The following DPF3 variants were observed in gnomAD, a reference collection of about 807,000 sequenced individuals.
DPF3 encodes double PHD fingers 3, also known as zinc finger protein DPF3.
A neutral mutation model predicts 56.8 loss-of-function variants in DPF3; 18 were observed. That is an observed-to-expected ratio of 0.32 (90% CI 0.22 to 0.47). DPF3 has a LOEUF of 0.47. Ranked by LOEUF, DPF3 falls within the 20% of genes least tolerant of loss-of-function variation. The pLI, the probability that DPF3 is intolerant of heterozygous loss-of-function variation, is 1.00. For missense variants in DPF3, 403 were observed against 488.8 expected (o/e 0.82, Z 1.65); for synonymous variants, 188 against 180.2 (o/e 1.04, Z -0.35).
At chr14:72,737,452 G>T (rs1399972244) in intron 3 of DPF3, among the ~76,000 whole-genome samples, 1 of 152,170 alleles carries the variant, frequency 6.6e-6, no homozygotes, top group African/African-American at 2.4e-5. Context: ...TGGGAGCACA[G>T]TGAGTAATTA....
chr14:72,671,143 C>T lies in DPF3; in HGVS notation c.871+3097G>A, dbSNP rs764616887. 2.6e-5 allele frequency: 42 copies of T among 1,613,846 alleles called. 1 individual carries two copies. In the South Asian group the frequency reaches 4.4e-4, roughly 17 times the overall value. ...AGAGTCTGTTCCGTGGGTTTAGCAA[C>T]TGCCCTTTTTATCTGCTGTGGGCGA... On this transcript the variant is annotated intron_variant, in intron 8 of 10. Coordinates refer to ENST00000556509, the MANE Select transcript of DPF3 (RefSeq NM_001280542.3).
chr14:72,875,141 A>G (rs1284042935), intron 1 of DPF3, among the ~76,000 whole-genome samples: 1 of 152,224 alleles, frequency 6.6e-6, no homozygotes, highest in Admixed American at 6.5e-5. Flanking sequence ...GGCCTCCATG[A>G]TTCAATTACC....
intron 1 of DPF3, among the ~76,000 whole-genome samples, chr14:72,863,100 A>G (rs61988462): frequency 0.012 from 1,362 of 110,370 alleles, 23 homozygotes; most frequent in African/African-American, 0.027. Context: ...ATATATATAT[A>G]TGTGTGTGTA....
rs1599390535 is a variant in DPF3 at position 72,730,039 on chromosome 14, A to G, written c.429+1768T>C. Among the ~76,000 whole-genome samples, 3 of 152,266 alleles carry G rather than the reference A, an allele frequency of 2.0e-5. No homozygotes were observed. In the South Asian group the frequency reaches 6.2e-4, roughly 32 times the overall value. On this transcript the variant is annotated intron_variant, in intron 4 of 10. Coordinates refer to ENST00000556509, the MANE Select transcript of DPF3 (RefSeq NM_001280542.3). ...GGGGTACACAGGAAATCTCTGTACC[A>G]TCCTCTTCATTTTGCTGTGAACCTA...
At chr14:72,773,282 G>A (rs1006476886) in intron 1 of DPF3, among the ~76,000 whole-genome samples, 2 of 151,894 alleles carry the variant, frequency 1.3e-5, no homozygotes, top group African/African-American at 4.8e-5. Context: ...ATAGGTACCT[G>A]CCACCATGCC....
chr14:72,774,680 A>T (rs1891682494), intron 1 of DPF3, among the ~76,000 whole-genome samples: 1 of 152,208 alleles, frequency 6.6e-6, no homozygotes. Flanking sequence ...ACCTCTGAAC[A>T]TCTTCACATT....
intron 5 of DPF3, among the ~76,000 whole-genome samples, chr14:72,722,395 C>T (rs996767203): frequency 1.3e-5 from 2 of 152,180 alleles, no homozygotes; most frequent in African/African-American, 4.8e-5. Context: ...CCGCGCTGGC[C>T]GATGTGCAGC....
intron 1 of DPF3, among the ~76,000 whole-genome samples, chr14:72,799,260 C>G (rs150652525): frequency 1.1e-4 from 17 of 152,288 alleles, no homozygotes; most frequent in African/African-American, 3.8e-4. Flanking sequence ...CTTCTAGTAA[C>G]AATACCTCCA....
At chr14:72,861,963 T>C (rs1322854200) in intron 1 of DPF3, among the ~76,000 whole-genome samples, 1 of 152,202 alleles carries the variant, frequency 6.6e-6, no homozygotes, top group Non-Finnish European at 1.5e-5. Context: ...TATTATATGC[T>C]TTCACCCATA....
chr14:72,784,841 C>T (rs1371594866), intron 1 of DPF3, among the ~76,000 whole-genome samples: 1 of 152,064 alleles, frequency 6.6e-6, no homozygotes, highest in African/African-American at 2.4e-5. Context: ...CCTGTAGTTC[C>T]AGCTACTTAG....
intron 1 of DPF3, among the ~76,000 whole-genome samples, chr14:72,832,460 C>T (rs576035881): frequency 1.9e-4 from 29 of 152,152 alleles, no homozygotes; most frequent in African/African-American, 4.8e-4. Context: ...CATAGCAGTC[C>T]GCAGCTACAG....
At chr14:72,879,260 A>T (rs1227750258) in intron 1 of DPF3, among the ~76,000 whole-genome samples, 1 of 151,636 alleles carries the variant, frequency 6.6e-6, no homozygotes, top group Middle Eastern at 3.2e-3. Flanking sequence ...GTGTGCACCT[A>T]TTGTCCCAGC....
chr14:72,806,857 T>C (rs1365260391), intron 1 of DPF3: 1 of 152,192 alleles, frequency 6.6e-6, no homozygotes, highest in Non-Finnish European at 1.5e-5. Flanking sequence ...CTTTGTAGAC[T>C]CCATATTACT....
chr14:72,776,154 C>A (rs1332436152), intron 1 of DPF3, among the ~76,000 whole-genome samples: 1 of 152,114 alleles, frequency 6.6e-6, no homozygotes, highest in African/African-American at 2.4e-5. Context: ...CCAGCCATCA[C>A]CTGCATGCAC....
intron 8 of DPF3, among the ~76,000 whole-genome samples, chr14:72,630,059 G>A (rs190988642): frequency 2.0e-5 from 3 of 152,266 alleles, no homozygotes; most frequent in African/African-American, 7.2e-5. Flanking sequence ...ACAGCCTGGG[G>A]CAGCACTATG....
intron 3 of DPF3, among the ~76,000 whole-genome samples, chr14:72,751,678 A>G (rs1464974687): frequency 6.6e-6 from 1 of 152,256 alleles, no homozygotes; most frequent in Non-Finnish European, 1.5e-5. Context: ...AAATGATTTT[A>G]TATCGATGAC....
rs187820168 is a variant in DPF3, at chr14:72,857,370, A to T, written c.32+36687T>A. 2.0e-5 allele frequency among the ~76,000 whole-genome samples: 3 copies of T among 152,298 alleles called. No homozygotes were observed. In the East Asian group the frequency reaches 5.8e-4, roughly 29 times the overall value. ...AAAGCTTGTTAAAAACTTACTTAAA[A>T]AGCAAAAGTTTAAACATGGTTCCAT... is the stretch of plus-strand genomic sequence containing the variant. On this transcript the variant is annotated intron_variant, in intron 1 of 10. Transcript: ENST00000556509.
intron 1 of DPF3, among the ~76,000 whole-genome samples, chr14:72,838,906 T>TATATATATATATATAGATA (rs375598670): frequency 1.1e-5 from 1 of 87,764 alleles, no homozygotes; most frequent in Admixed American, 1.5e-4. Context: ...ATCATATATA[T>TATATATATATATATAGATA]TCTTTTTTTT....
At chr14:72,775,122 G>C (rs908296627) in intron 1 of DPF3, among the ~76,000 whole-genome samples, 1 of 151,956 alleles carries the variant, frequency 6.6e-6, no homozygotes. Flanking sequence ...CAACGTGAGA[G>C]CAGCAATCTG....
Sources: allele counts gnomAD v4.1 joint callset (sites outside exome capture counted in the v4.1 genomes callset), GRCh38; gene constraint gnomAD v4.1.1; transcripts MANE v1.5; gene names NCBI Gene and HGNC (gene_info 2026-07-23, HGNC 2026-07-21).